The following PLPPR1 variants were observed in gnomAD, a reference collection of about 807,000 sequenced individuals.
The protein encoded by PLPPR1 is phospholipid phosphatase related 1.
PLPPR1 carries 10 observed loss-of-function variants against 33.1 expected under a neutral mutation model. That is an observed-to-expected ratio of 0.30 (90% CI 0.19 to 0.51). PLPPR1 has a LOEUF of 0.51. Ranked by LOEUF, PLPPR1 falls within the 20% of genes least tolerant of loss-of-function variation. PLPPR1 has a pLI of 0.97. For synonymous variants in PLPPR1, 151 were observed against 151.0 expected, an observed-to-expected ratio of 1.00 and a Z score of 0.00; for missense variants, 304 against 408.1, an observed-to-expected ratio of 0.74 and a Z score of 2.20.
chr9:101,071,459 G>A (rs1830481164), intron 1 of PLPPR1, among the ~76,000 whole-genome samples: 1 of 152,156 alleles, frequency 6.6e-6, no homozygotes, highest in Admixed American at 6.6e-5. Flanking sequence ...ACGAGTAAGT[G>A]GTAGTCATTC....
chr9:101,040,206 C>A (rs750532825), intron 1 of PLPPR1, among the ~76,000 whole-genome samples: 12 of 152,100 alleles, frequency 7.9e-5, no homozygotes, highest in Non-Finnish European at 1.5e-4. Context: ...ATAAAGATAA[C>A]ACTATTATCA....
At chr9:101,205,647 GCT>G (rs1826575239) in intron 2 of PLPPR1, among the ~76,000 whole-genome samples, 7 of 152,070 alleles carry the variant, frequency 4.6e-5, no homozygotes. Context: ...CCACTTAAGA[GCT>G]CTGTCATGTC....
intron 1 of PLPPR1, among the ~76,000 whole-genome samples, chr9:101,108,878 T>C (rs903875499): frequency 2.6e-5 from 4 of 152,244 alleles, no homozygotes; most frequent in African/African-American, 7.2e-5. Flanking sequence ...ATAAATATTT[T>C]TTCAGTTTAT....
intron 2 of PLPPR1, among the ~76,000 whole-genome samples, chr9:101,199,017 G>A (rs954707772): frequency 1.3e-5 from 2 of 152,158 alleles, no homozygotes; most frequent in African/African-American, 4.8e-5. Context: ...GATCACAGAA[G>A]TGGTGCTGAG....
At chr9:101,278,196 CA>C (rs1828231925) in intron 3 of PLPPR1, among the ~76,000 whole-genome samples, 1 of 152,212 alleles carries the variant, frequency 6.6e-6, no homozygotes, top group Non-Finnish European at 1.5e-5. Flanking sequence ...ATACATCTTT[CA>C]GTGACTAGTT....
At chr9:101,157,995 C>G (rs565414964) in intron 1 of PLPPR1, among the ~76,000 whole-genome samples, 1 of 152,044 alleles carries the variant, frequency 6.6e-6, no homozygotes, top group South Asian at 2.1e-4. Flanking sequence ...CAGATGGAAA[C>G]TCTGTCTCAA....
intron 4 of PLPPR1, among the ~76,000 whole-genome samples, chr9:101,307,052 TA>T (rs1288804128): frequency 1.3e-5 from 2 of 152,220 alleles, no homozygotes; most frequent in Admixed American, 6.5e-5. Context: ...GCTGATGCGG[TA>T]CTTCCTGAAG....
intron 2 of PLPPR1, among the ~76,000 whole-genome samples, chr9:101,214,406 G>A (rs2118772855): frequency 6.6e-6 from 1 of 152,028 alleles, no homozygotes; most frequent in Admixed American, 6.6e-5. Context: ...TGATAGGTGT[G>A]TAGATATATA....
At chr9:101,292,210 ATGAAAT>A (rs1361069471) in intron 4 of PLPPR1, among the ~76,000 whole-genome samples, 1 of 152,224 alleles carries the variant, frequency 6.6e-6, no homozygotes, top group African/African-American at 2.4e-5. Flanking sequence ...AATGAAATGA[ATGAAAT>A]GAAGTGAGAA....
At chr9:101,118,136 A>C (rs1279934409) in intron 1 of PLPPR1, among the ~76,000 whole-genome samples, 2 of 152,228 alleles carry the variant, frequency 1.3e-5, no homozygotes, top group Non-Finnish European at 2.9e-5. Context: ...TATGACTAAC[A>C]TCCTAGGACA....
At chr9:101,314,849 G>C (rs1413277233) in intron 6 of PLPPR1, among the ~76,000 whole-genome samples, 6 of 152,166 alleles carry the variant, frequency 3.9e-5, no homozygotes, top group Non-Finnish European at 8.8e-5. Flanking sequence ...TTCCTATAGT[G>C]AAAGATGAAA....
At chr9:101,153,922 G>A (rs1376267611) in intron 1 of PLPPR1, among the ~76,000 whole-genome samples, 1 of 152,104 alleles carries the variant, frequency 6.6e-6, no homozygotes, top group African/African-American at 2.4e-5. Context: ...AGCATGAAGG[G>A]CTGTTGAATT....
At chr9:101,057,537 TA>T (rs140691394) in intron 1 of PLPPR1, among the ~76,000 whole-genome samples, 3,945 of 149,450 alleles carry the variant, frequency 0.026, 165 homozygotes, top group South Asian at 0.21. Flanking sequence ...TGGTATATTG[TA>T]AAAAAAAAAT....
At chr9:101,041,548 A>C (rs776299635) in intron 1 of PLPPR1, among the ~76,000 whole-genome samples, 3 of 152,170 alleles carry the variant, frequency 2.0e-5, no homozygotes, top group Non-Finnish European at 4.4e-5. Flanking sequence ...GGGATCTTTA[A>C]GTGTGAATGT....
At chr9:101,196,646 G>A (rs1826399103) in intron 2 of PLPPR1, among the ~76,000 whole-genome samples, 1 of 152,148 alleles carries the variant, frequency 6.6e-6, no homozygotes, top group Non-Finnish European at 1.5e-5. Flanking sequence ...CGGATCACGA[G>A]GTCAGGAGAT....
At chr9:101,302,343 G>C (rs969729366) in intron 4 of PLPPR1, among the ~76,000 whole-genome samples, 1 of 152,178 alleles carries the variant, frequency 6.6e-6, no homozygotes, top group Non-Finnish European at 1.5e-5. Flanking sequence ...AAGGAAATGG[G>C]ATGAACATGG....
chr9:101,211,110 AT>A (rs1386914015), intron 2 of PLPPR1, among the ~76,000 whole-genome samples: 4 of 152,280 alleles, frequency 2.6e-5, no homozygotes, highest in African/African-American at 7.2e-5. Flanking sequence ...CAGAATTAAG[AT>A]GTTGATGCTG....
chr9:101,224,740 G>T (rs1473689349), intron 2 of PLPPR1, among the ~76,000 whole-genome samples: 2 of 152,036 alleles, frequency 1.3e-5, no homozygotes. Flanking sequence ...GTTTTCTCTG[G>T]GTACTCTACC....
intron 1 of PLPPR1, among the ~76,000 whole-genome samples, chr9:101,055,649 T>C (rs1830270924): frequency 6.6e-6 from 1 of 152,250 alleles, no homozygotes; most frequent in Non-Finnish European, 1.5e-5. Flanking sequence ...ACAGATATTT[T>C]CATCACGCAC....
Sources: allele counts gnomAD v4.1 joint callset (sites outside exome capture counted in the v4.1 genomes callset), GRCh38; gene constraint gnomAD v4.1.1; transcripts MANE v1.5; gene names NCBI Gene and HGNC (gene_info 2026-07-23, HGNC 2026-07-21).